PDZK1IP1: variants seen among roughly 807,000 people sequenced by gnomAD.
PDZK1IP1 encodes PDZK1 interacting protein 1.
A neutral mutation model predicts 14.7 loss-of-function variants in PDZK1IP1; 9 were observed. That is an observed-to-expected ratio of 0.61 (90% confidence interval 0.37 to 1.07). PDZK1IP1 has a LOEUF of 1.07. PDZK1IP1 is among the 50% of genes least tolerant of loss of function. The pLI, the probability that PDZK1IP1 is intolerant of heterozygous loss-of-function variation, is 0.01. For synonymous variants in PDZK1IP1, 70 were observed against 61.2 expected, an observed-to-expected ratio of 1.14 and a Z score of -0.67; for missense variants, 152 against 148.7, an observed-to-expected ratio of 1.02 and a Z score of -0.11.
chr1:47,189,486 T>C (rs1424529882), intron 1 of PDZK1IP1, among the ~76,000 whole-genome samples: 7 of 152,204 alleles, frequency 4.6e-5, no homozygotes, highest in African/African-American at 1.7e-4. Flanking sequence ...GGCACTGTTC[T>C]CTATCCAAGC....
intron 1 of PDZK1IP1, among the ~76,000 whole-genome samples, chr1:47,188,091 C>T (rs148873671): frequency 6.6e-6 from 1 of 152,340 alleles, no homozygotes; most frequent in East Asian, 1.9e-4. Flanking sequence ...AAAACCTGAG[C>T]TCCTTTTGAT....
chr1:47,184,586 C>T (rs1245586403), intron 3 of PDZK1IP1, among the ~76,000 whole-genome samples: 1 of 119,386 alleles, frequency 8.4e-6, no homozygotes, highest in African/African-American at 3.2e-5. Flanking sequence ...TGAGTCCATA[C>T]CCCACTGAGT....
intron 2 of PDZK1IP1, among the ~76,000 whole-genome samples, chr1:47,185,981 C>G (rs1317005237): frequency 1.3e-5 from 2 of 152,150 alleles, no homozygotes; most frequent in Non-Finnish European, 2.9e-5. Flanking sequence ...AGTCATTCTG[C>G]TAAGGCCGTG....
intron 1 of PDZK1IP1, among the ~76,000 whole-genome samples, chr1:47,188,415 A>G (rs1275524902): frequency 6.6e-6 from 1 of 152,114 alleles, no homozygotes; most frequent in African/African-American, 2.4e-5. Flanking sequence ...CCCCAGCATC[A>G]CTGCACTCCA....
intron 2 of PDZK1IP1, among the ~76,000 whole-genome samples, chr1:47,186,523 C>A (rs971747676): frequency 1.3e-5 from 2 of 152,214 alleles, no homozygotes; most frequent in Admixed American, 6.5e-5. Flanking sequence ...AGCCACCAGG[C>A]CACCTTTGTG....
At chr1:47,187,087 A>G (rs1645324165) in intron 2 of PDZK1IP1, among the ~76,000 whole-genome samples, 1 of 152,176 alleles carries the variant, frequency 6.6e-6, no homozygotes, top group Non-Finnish European at 1.5e-5. Flanking sequence ...TGGGCACCAG[A>G]GCTGTGGGGC....
chr1:47,186,104 T>C lies in PDZK1IP1; in HGVS notation c.177-1007A>G, dbSNP rs142422226. 3.4e-3 allele frequency among the ~76,000 whole-genome samples: 510 copies of C among 151,818 alleles called. 3 individuals are homozygous for C. Among genetic ancestry groups the C allele is most frequent in the African/African-American group, 0.012 (489 of 41,356 alleles). On this transcript the variant is annotated intron_variant, in intron 2 of 3. Coordinates refer to ENST00000294338, the MANE Select transcript of PDZK1IP1 (RefSeq NM_005764.4). ...GGCAGGCGGATCACGAGGTTGGGAG[T>C]TGGAGACCAGCCTGGCCAACAGAGT...
intron 2 of PDZK1IP1, 135 bp downstream of exon 2, chr1:47,187,184 C>T: frequency 1.6e-6 from 1 of 633,712 alleles, no homozygotes; most frequent in South Asian, 1.9e-5. Context: ...GACCTTGAGC[C>T]TCAGTTTCCC....
chr1:47,189,748 C>T, intron 1 of PDZK1IP1, 118 bp downstream of exon 1: 1 of 665,050 alleles, frequency 1.5e-6, no homozygotes, highest in South Asian at 2.2e-5. Context: ...ATTCTTTCAG[C>T]TAGCGCAGTC....
intron 3 of PDZK1IP1, 58 bp downstream of exon 3, chr1:47,184,944 T>G: frequency 1.4e-6 from 2 of 1,391,350 alleles, no homozygotes; most frequent in Non-Finnish European, 2.0e-6. Context: ...AGCACCTGTC[T>G]TGAGATTCTC....
At chr1:47,188,247 C>T (rs1475293841) in intron 1 of PDZK1IP1, among the ~76,000 whole-genome samples, 3 of 152,204 alleles carry the variant, frequency 2.0e-5, no homozygotes, top group Non-Finnish European at 4.4e-5. Context: ...CTCAGGCGAG[C>T]CTCTGGCCTT....
intron 2 of PDZK1IP1, among the ~76,000 whole-genome samples, chr1:47,186,675 C>T (rs535095143): frequency 4.6e-4 from 70 of 152,356 alleles, no homozygotes; most frequent in Non-Finnish European, 8.7e-4. Flanking sequence ...TGCCGTGCCC[C>T]TAACTCAGGA....
rs745564100 is a variant in PDZK1IP1, at chr1:47,185,133, G to C, written c.177-36C>G. ...GATTCATCAGTGGGGCTCCTCAGTG[G>C]GGCCCCCCTCGTCCAAGCAGACCCT... On this transcript the variant is annotated intron_variant, in intron 2 of 3. Transcript: ENST00000294338. 3.2e-6 allele frequency: 5 copies of C among 1,554,434 alleles called. No homozygotes were observed. The East Asian group carries it at 9.0e-5, about 28-fold the overall frequency.
chr1:47,188,385 C>T (rs72684334), intron 1 of PDZK1IP1, among the ~76,000 whole-genome samples: 2,242 of 152,298 alleles, frequency 0.015, 29 homozygotes, highest in Admixed American at 0.045. Context: ...GCCTCTGCTT[C>T]CCCAAAGGAC....
In PDZK1IP1 at chr1:47,184,010, C is replaced by T; in HGVS notation, c.306G>A (p.Val102=). ...SSEHENAYEN[V]PEEEGKVRST... ...TGCGGACCTTGCCTTCCTCCTCGGGCACATTCTCATAGGCATTCTCATGCT... is the reference window on the plus strand; with the variant it reads ...TGCGGACCTTGCCTTCCTCCTCGGGTACATTCTCATAGGCATTCTCATGCT... Residue 102 remains valine (V), a synonymous_variant, in exon 4 of 4, where the codon GTG becomes GTA. Transcript: ENST00000294338. 2.5e-6 allele frequency: 4 copies of T among 1,597,856 alleles called. No individual in the cohort carries two copies. Among genetic ancestry groups the T allele is most frequent in the Non-Finnish European group, 3.4e-6 (4 of 1,171,294 alleles).
At chr1:47,185,704 T>G (rs1349524900) in intron 2 of PDZK1IP1, among the ~76,000 whole-genome samples, 1 of 152,142 alleles carries the variant, frequency 6.6e-6, no homozygotes, top group Non-Finnish European at 1.5e-5. Flanking sequence ...TCCTCCTGTG[T>G]TCTGGGCCTC....
At position 47,189,907 on chromosome 1, in the gene PDZK1IP1, A is replaced by G; in HGVS notation, c.26T>C (p.Leu9Pro). 1 of 1,596,608 alleles carries G rather than the reference A, an allele frequency of 6.3e-7. No individual in the cohort carries two copies. The highest frequency in any genetic ancestry group is 1.3e-5 in the African/African-American group (1 of 74,908). The stretch of plus-strand genomic sequence containing the variant: ...AGGTGGCACTGCCGTGAGCAGGCCC[A>G]GAATGAGGAGGCTGAGGGCCGACAT... Reference protein sequence around the residue: MSALSLLILGLLTAVPPAS... With the variant: MSALSLLIPGLLTAVPPAS... Residue 9 changes from leucine (L) to proline (P), a missense_variant, in exon 1 of 4, where the codon CTG (leucine) becomes CCG (proline). By Grantham distance (98) the Leu-to-Pro change is moderately conservative. Coordinates refer to ENST00000294338, the MANE Select transcript of PDZK1IP1 (RefSeq NM_005764.4).
intron 2 of PDZK1IP1, 56 bp from the exon 3 acceptor site, chr1:47,185,153 G>A (rs1645311629): frequency 7.4e-7 from 1 of 1,347,930 alleles, no homozygotes; most frequent in Non-Finnish European, 1.1e-6. Flanking sequence ...CGTCCAAGCA[G>A]ACCCTATTCT....
intron 2 of PDZK1IP1, among the ~76,000 whole-genome samples, chr1:47,186,154 A>T (rs11807354): frequency 0.05 from 7,536 of 151,972 alleles, 340 homozygotes; most frequent in African/African-American, 0.12. Context: ...CTAAAAATAC[A>T]AAAATTAGCC....
Sources: allele counts gnomAD v4.1 joint callset (sites outside exome capture counted in the v4.1 genomes callset), GRCh38; gene constraint gnomAD v4.1.1; transcripts MANE v1.5; gene names NCBI Gene and HGNC (gene_info 2026-07-23, HGNC 2026-07-21).